The following SPATS2 variants were observed in gnomAD, a reference collection of about 807,000 sequenced individuals.
The protein encoded by SPATS2 is spermatogenesis-associated serine-rich protein 2.
A neutral mutation model predicts 63.7 loss-of-function variants in SPATS2; 38 were observed. The observed-to-expected ratio is 0.60, with a 90% CI of 0.46 to 0.78. The LOEUF is 0.78. Ranked by LOEUF, SPATS2 falls within the 30% of genes least tolerant of loss-of-function variation. SPATS2 has a pLI of 0.00. For missense variants in SPATS2, 588 were observed against 666.2 expected, an observed-to-expected ratio of 0.88 and a Z score of 1.29; for synonymous variants, 207 against 232.9, an observed-to-expected ratio of 0.89 and a Z score of 1.01.
chr12:49,485,425 G>A (rs1050122004), intron 4 of SPATS2, among the ~76,000 whole-genome samples: 2 of 151,526 alleles, frequency 1.3e-5, no homozygotes, highest in Non-Finnish European at 2.9e-5. Context: ...GCAGTGGCAC[G>A]ATCTCAGCTC....
chr12:49,512,705 TA>T (rs1199898396), intron 9 of SPATS2, among the ~76,000 whole-genome samples: 1 of 152,234 alleles, frequency 6.6e-6, no homozygotes, highest in Non-Finnish European at 1.5e-5. Context: ...TGTAGTCTTT[TA>T]ATAAATATTT....
intron 2 of SPATS2, among the ~76,000 whole-genome samples, chr12:49,388,911 C>G (rs374056917): frequency 1.3e-5 from 2 of 151,982 alleles, no homozygotes; most frequent in Non-Finnish European, 2.9e-5. Flanking sequence ...CCAGGCTGGT[C>G]TTGAACTCCT....
Position 49,526,134 on chromosome 12 carries a change from A to C in SPATS2, c.1517A>C (p.His506Pro), listed in dbSNP as rs756248248. The change falls in exon 14 of 14, where the codon CAC becomes CCC. Residue 506 changes from histidine to proline, a missense_variant. His to Pro is a moderately conservative substitution (Grantham distance 77, BLOSUM62 -2). Transcript: ENST00000552918. The stretch of plus-strand genomic sequence containing the variant: ...AACACCATTGAAAGAGGCCAGACTC[A>C]CTCTGCAGGGACCAATGGAACTGGA... ...PGNTIERGQTHSAGTNGTGVS... is the reference protein window; with the variant it reads ...PGNTIERGQTPSAGTNGTGVS... The C allele has an allele frequency of 1.1e-5, 18 of 1,614,116 alleles. No homozygotes were observed. The highest frequency in any genetic ancestry group is 1.6e-4 in the Middle Eastern group (1 of 6,062).
At chr12:49,448,054 C>G (rs1945546695) in intron 2 of SPATS2, among the ~76,000 whole-genome samples, 1 of 151,298 alleles carries the variant, frequency 6.6e-6, no homozygotes, top group Non-Finnish European at 1.5e-5. Flanking sequence ...AGATTGAAGA[C>G]CTTTCTTCTT....
At chr12:49,521,028 T>C (rs1946932960) in intron 11 of SPATS2, among the ~76,000 whole-genome samples, 1 of 152,176 alleles carries the variant, frequency 6.6e-6, no homozygotes, top group Non-Finnish European at 1.5e-5. Context: ...CAAATTCTTA[T>C]ATAAAGAACA....
rs551148369 is a variant in SPATS2 at position 49,382,340 on chromosome 12, A to C, written c.-244+11050A>C. 2.6e-5 allele frequency among the ~76,000 whole-genome samples: 4 copies of C among 152,382 alleles called. No homozygotes were observed. In the South Asian group the frequency reaches 8.3e-4, roughly 32 times the overall value. ...AGTAAACAAAATTGGACAGTACAGA[A>C]ATAAATGGTGAAGACAGTCTCCCAG... is the stretch of plus-strand genomic sequence containing the variant. On this transcript the variant is annotated intron_variant, in intron 2 of 13. Transcript: ENST00000552918.
intron 9 of SPATS2, among the ~76,000 whole-genome samples, chr12:49,503,224 C>T (rs1338991693): frequency 2.0e-5 from 3 of 152,024 alleles, no homozygotes; most frequent in African/African-American, 4.8e-5. Flanking sequence ...GTGGCGTGCA[C>T]CTGTAATCCC....
intron 2 of SPATS2, among the ~76,000 whole-genome samples, chr12:49,436,172 G>A (rs1164254370): frequency 2.6e-5 from 4 of 151,340 alleles, no homozygotes; most frequent in South Asian, 2.1e-4. Context: ...CCTCCCAGAC[G>A]GGGTGGTGGC....
At chr12:49,462,418 CCA>C (rs1252355960) in intron 3 of SPATS2, 2 of 702,246 alleles carry the variant, frequency 2.8e-6, no homozygotes, top group Non-Finnish European at 5.2e-6. Context: ...CCCCGAAGCT[CCA>C]GAGGGCATGT....
intron 3 of SPATS2, chr12:49,461,307 T>A: frequency 2.6e-6 from 1 of 386,306 alleles, no homozygotes; most frequent in Non-Finnish European, 4.6e-6. Context: ...GGAGATGTGT[T>A]AAGAGGGCTA....
rs532447341 is a variant in SPATS2 at position 49,513,566 on chromosome 12, A to G, written c.840-989A>G. Among the ~76,000 whole-genome samples, 39 of 152,284 alleles carry G rather than the reference A, an allele frequency of 2.6e-4. 1 individual carries two copies. The highest frequency in any genetic ancestry group is 2.4e-3 in the Admixed American group (37 of 15,300). Reference sequence around the variant, plus strand: ...TTATATTTGCAGTGGAAAAAATTCTAATTGCCTATTTAATGTTCTTTTTCT... The same window carrying G: ...TTATATTTGCAGTGGAAAAAATTCTGATTGCCTATTTAATGTTCTTTTTCT... On this transcript the variant is annotated intron_variant, in intron 9 of 13. Transcript: ENST00000552918.
At chr12:49,414,902 G>GGA (rs1202427218) in intron 2 of SPATS2, among the ~76,000 whole-genome samples, 2 of 150,922 alleles carry the variant, frequency 1.3e-5, no homozygotes, top group African/African-American at 4.9e-5. Context: ...CCTAGCCCAG[G>GGA]GAGCATTTCT....
intron 2 of SPATS2, among the ~76,000 whole-genome samples, chr12:49,420,825 G>A (rs1244260516): frequency 6.6e-6 from 1 of 151,998 alleles, no homozygotes; most frequent in East Asian, 1.9e-4. Flanking sequence ...TCAGCCTAGT[G>A]AAACTCTGTC....
intron 2 of SPATS2, among the ~76,000 whole-genome samples, chr12:49,457,607 A>G (rs995989201): frequency 2.6e-5 from 4 of 151,926 alleles, no homozygotes; most frequent in African/African-American, 9.7e-5. Flanking sequence ...CTAATTCTGT[A>G]TTTTTAGTAG....
chr12:49,448,132 TTTTC>T (rs1448554064), intron 2 of SPATS2, among the ~76,000 whole-genome samples: 1 of 151,116 alleles, frequency 6.6e-6, no homozygotes, highest in Non-Finnish European at 1.5e-5. Context: ...TATATTTTTA[TTTTC>T]TTTCTTTTTT....
intron 9 of SPATS2, among the ~76,000 whole-genome samples, chr12:49,513,731 A>G (rs893475139): frequency 1.3e-5 from 2 of 152,236 alleles, no homozygotes; most frequent in Non-Finnish European, 2.9e-5. Flanking sequence ...TGGTGCAACC[A>G]TGGTCAGCTG....
In SPATS2 at chr12:49,375,141, AGTGTGTGTGTGTGTGTGT is replaced by A. The variant is rs10601423; in HGVS notation, c.-244+3889_-244+3906del. On this transcript the variant is annotated intron_variant, in intron 2 of 13. Coordinates refer to ENST00000552918, the MANE Select transcript of SPATS2 (RefSeq NM_023071.4). ...CAAGATGTATGATTGCAAGTTGTGG[AGTGTGTGTGTGTGTGTGT>A]GTGTGTGTGTGTGTGTGTGTGTGTG... is the stretch of plus-strand genomic sequence containing the variant. 4.5e-3 allele frequency among the ~76,000 whole-genome samples: 551 copies of A among 123,382 alleles called. 1 individual carries two copies. The highest frequency in any genetic ancestry group is 5.9e-3 in the Non-Finnish European group (358 of 60,442). The allele number at this position is 123,382 out of a possible 152,430, so 80.9% of individuals were successfully genotyped here.
intron 2 of SPATS2, among the ~76,000 whole-genome samples, chr12:49,456,594 C>T (rs995720207): frequency 4.6e-5 from 7 of 152,226 alleles, no homozygotes; most frequent in East Asian, 3.9e-4. Flanking sequence ...GAAATAGCAG[C>T]GAGAGTGGCA....
chr12:49,457,161 T>C (rs536318213), intron 2 of SPATS2, among the ~76,000 whole-genome samples: 1 of 152,298 alleles, frequency 6.6e-6, no homozygotes, highest in South Asian at 2.1e-4. Flanking sequence ...AGGAGGAATC[T>C]GCTTTTGGTT....
Sources: allele counts gnomAD v4.1 joint callset (sites outside exome capture counted in the v4.1 genomes callset), GRCh38; gene constraint gnomAD v4.1.1; transcripts MANE v1.5; gene names NCBI Gene and HGNC (gene_info 2026-07-23, HGNC 2026-07-21).